The following NSMCE2 variants were observed in gnomAD, a reference collection of about 807,000 sequenced individuals.
The protein encoded by NSMCE2 is NSE2 SUMO ligase component of SMC5/6 complex.
A neutral mutation model predicts 23.8 loss-of-function variants in NSMCE2; 24 were observed. The observed-to-expected ratio is 1.01, with a 90% CI of 0.73 to 1.42. The LOEUF (loss-of-function observed/expected upper bound fraction) is 1.42, where lower values mean the gene tolerates loss of function less well. NSMCE2 is among the 40% of genes most tolerant of loss of function. NSMCE2 has a pLI of 0.00. For synonymous variants in NSMCE2, 92 were observed against 94.1 expected, an observed-to-expected ratio of 0.98 and a Z score of 0.13; for missense variants, 284 against 296.5, an observed-to-expected ratio of 0.96 and a Z score of 0.31.
At chr8:125,147,699 G>A (rs1820767149) in intron 3 of NSMCE2, among the ~76,000 whole-genome samples, 1 of 152,080 alleles carries the variant, frequency 6.6e-6, no homozygotes, top group African/African-American at 2.4e-5. Context: ...CAAGTAGCAG[G>A]GAGCCTCTGC....
chr8:125,241,400 G>A (rs890716242), intron 5 of NSMCE2, among the ~76,000 whole-genome samples: 27 of 152,304 alleles, frequency 1.8e-4, no homozygotes, highest in Admixed American at 2.0e-4. Context: ...CAATAATAGT[G>A]GAAGTACATA....
At chr8:125,339,988 C>G (rs1214436446) in intron 5 of NSMCE2, among the ~76,000 whole-genome samples, 5 of 151,588 alleles carry the variant, frequency 3.3e-5, no homozygotes, top group Non-Finnish European at 7.4e-5. Flanking sequence ...AAACCATAAG[C>G]CTCCGACGTT....
intron 4 of NSMCE2, chr8:125,155,893 T>C (rs951315444): frequency 4.6e-6 from 2 of 437,726 alleles, no homozygotes; most frequent in African/African-American, 4.1e-5. Context: ...ACCTTAATTC[T>C]CACAGGGAAA....
At chr8:125,219,220 C>T (rs900506032) in intron 5 of NSMCE2, among the ~76,000 whole-genome samples, 4 of 152,128 alleles carry the variant, frequency 2.6e-5, no homozygotes, top group African/African-American at 7.2e-5. Flanking sequence ...AGTTGACTTT[C>T]GTACTTTCAG....
intron 3 of NSMCE2, among the ~76,000 whole-genome samples, chr8:125,107,976 A>G (rs531615377): frequency 6.6e-6 from 1 of 152,142 alleles, no homozygotes; most frequent in Non-Finnish European, 1.5e-5. Context: ...AGAGGTTGCA[A>G]TGAGCTGAGA....
intron 3 of NSMCE2, among the ~76,000 whole-genome samples, chr8:125,149,933 C>A (rs1043046790): frequency 2.0e-5 from 3 of 152,088 alleles, no homozygotes; most frequent in Non-Finnish European, 2.9e-5. Context: ...GATTATTTGA[C>A]ACTTAGATTA....
At chr8:125,170,824 C>T (rs2130765910) in intron 4 of NSMCE2, among the ~76,000 whole-genome samples, 1 of 152,288 alleles carries the variant, frequency 6.6e-6, no homozygotes, top group Non-Finnish European at 1.5e-5. Flanking sequence ...CTGCAGCAGC[C>T]TACTGACTGC....
At chr8:125,273,513 T>C (rs1210021000) in intron 5 of NSMCE2, among the ~76,000 whole-genome samples, 3 of 152,226 alleles carry the variant, frequency 2.0e-5, no homozygotes, top group Admixed American at 6.5e-5. Flanking sequence ...AAATTAGCTT[T>C]TGTTTGAACT....
chr8:125,299,160 A>C (rs753577111), intron 5 of NSMCE2, among the ~76,000 whole-genome samples: 15 of 152,206 alleles, frequency 9.9e-5, no homozygotes, highest in Non-Finnish European at 2.1e-4. Context: ...CATAATTTGT[A>C]TTTTTAAATC....
intron 6 of NSMCE2, 134 bp downstream of exon 6, chr8:125,357,453 G>A (rs952139202): frequency 1.4e-6 from 1 of 695,806 alleles, no homozygotes; most frequent in South Asian, 1.8e-5. Context: ...GGGGGTTGAA[G>A]AGTATCCACG....
intron 5 of NSMCE2, among the ~76,000 whole-genome samples, chr8:125,213,725 T>TTTCCTTCC (rs889475299): frequency 1.4e-5 from 2 of 146,612 alleles, no homozygotes; most frequent in South Asian, 4.5e-4. Context: ...TCCTTCCTTA[T>TTTCCTTCC]TTCCTTCCTT....
intron 5 of NSMCE2, among the ~76,000 whole-genome samples, chr8:125,244,051 A>T (rs546907173): frequency 7.2e-5 from 11 of 152,184 alleles, no homozygotes; most frequent in Non-Finnish European, 1.0e-4. Flanking sequence ...TAAGTAGCAT[A>T]GAATTAATTG....
intron 5 of NSMCE2, among the ~76,000 whole-genome samples, chr8:125,316,961 T>C (rs185770312): frequency 3.3e-5 from 5 of 150,790 alleles, no homozygotes; most frequent in Admixed American, 2.0e-4. Flanking sequence ...GGTTTTTCGT[T>C]TTTTTTTTAA....
In NSMCE2 at chr8:125,366,748, A is replaced by G. The variant is rs1554644426; in HGVS notation, c.627-20A>G. On this transcript the variant is annotated intron_variant, in intron 7 of 7. Coordinates refer to ENST00000287437, the MANE Select transcript of NSMCE2 (RefSeq NM_173685.4). ...TAAGGCAGTAAAGGGGACTGACTTG[A>G]TGTTCTTTCTTTCTCACAGTTGCCC... 5 of 1,396,812 alleles carry G rather than the reference A, an allele frequency of 3.6e-6. No individual in the cohort carries two copies. The South Asian group carries it at 5.8e-5, about 16-fold the overall frequency. 86.5% of individuals were successfully genotyped at this position (1,396,812 alleles called of 1,614,324 possible).
At chr8:125,286,693 C>T (rs73351278) in intron 5 of NSMCE2, among the ~76,000 whole-genome samples, 16,955 of 150,798 alleles carry the variant, frequency 0.11, 1,339 homozygotes, top group African/African-American at 0.23. Context: ...CTTTCATGTC[C>T]ATGAACTTGC....
chr8:125,307,342 A>T (rs1259392065), intron 5 of NSMCE2, among the ~76,000 whole-genome samples: 2 of 152,332 alleles, frequency 1.3e-5, no homozygotes, highest in Middle Eastern at 3.4e-3. Context: ...TATATGATAA[A>T]GAAGATAGGC....
Position 125,170,376 on chromosome 8 carries a change from C to CTTTTTTTTTTTTTTTTTTTT in NSMCE2, c.265-11707_265-11688dup, listed in dbSNP as rs565593006. 5.3e-5 allele frequency among the ~76,000 whole-genome samples: 2 copies of CTTTTTTTTTTTTTTTTTTTT among 37,836 alleles called. 1 individual carries two copies. The highest frequency in any genetic ancestry group is 1.0e-4 in the Non-Finnish European group (2 of 19,052). The allele number at this position is 37,836 out of a possible 152,430, so 24.8% of individuals were successfully genotyped here. A position where few individuals can be genotyped will look rare whatever the true frequency, so the allele number is the denominator to read the frequency against. On this transcript the variant is annotated intron_variant, in intron 4 of 7. Coordinates refer to ENST00000287437, the MANE Select transcript of NSMCE2 (RefSeq NM_173685.4). ...CATCAATAAACCTTACTCTTTATTT[C>CTTTTTTTTTTTTTTTTTTTT]TTTTTTTTTTTTTTTTTTTTTTTTT...
chr8:125,210,777 G>A (rs962768972), intron 5 of NSMCE2, among the ~76,000 whole-genome samples: 1 of 152,108 alleles, frequency 6.6e-6, no homozygotes, highest in Admixed American at 6.5e-5. Flanking sequence ...GCAGTGGCGT[G>A]ATCTCGGCTC....
intron 7 of NSMCE2, among the ~76,000 whole-genome samples, chr8:125,360,604 C>T (rs1047472104): frequency 1.3e-5 from 2 of 149,750 alleles, no homozygotes; most frequent in African/African-American, 4.9e-5. Flanking sequence ...AGTGGAGGCT[C>T]ATGGGAACTT....
Sources: allele counts gnomAD v4.1 joint callset (sites outside exome capture counted in the v4.1 genomes callset), GRCh38; gene constraint gnomAD v4.1.1; transcripts MANE v1.5; gene names NCBI Gene and HGNC (gene_info 2026-07-23, HGNC 2026-07-21).